Variants in VPS35L observed in about 807,000 individuals in gnomAD.
The protein encoded by VPS35L is VPS35 endosomal protein-sorting factor-like.
VPS35L carries 83 observed loss-of-function variants against 133.0 expected under a neutral mutation model. That is an observed-to-expected ratio of 0.62 (90% CI 0.52 to 0.75). The LOEUF (loss-of-function observed/expected upper bound fraction) is 0.75, where lower values mean the gene tolerates loss of function less well. Among genes scored for constraint, VPS35L ranks in the 30% least tolerant of loss-of-function variants. The pLI, the probability that VPS35L is intolerant of heterozygous loss-of-function variation, is 0.00. For missense variants in VPS35L, 1,083 were observed against 1,206.8 expected, an observed-to-expected ratio of 0.90 and a Z score of 1.52; for synonymous variants, 423 against 449.9, an observed-to-expected ratio of 0.94 and a Z score of 0.76.
At chr16:19,661,019 T>C (rs1180785887) in intron 26 of VPS35L, among the ~76,000 whole-genome samples, 1 of 151,790 alleles carries the variant, frequency 6.6e-6, no homozygotes, top group Non-Finnish European at 1.5e-5. Context: ...GTATGCTCTC[T>C]GCCTCTCTAT....
intron 7 of VPS35L, among the ~76,000 whole-genome samples, chr16:19,583,688 C>T (rs1434360188): frequency 6.6e-6 from 1 of 151,280 alleles, no homozygotes; most frequent in Non-Finnish European, 1.5e-5. Context: ...CACTACACCA[C>T]TCCAGCCTGG....
intron 27 of VPS35L, among the ~76,000 whole-genome samples, chr16:19,670,976 A>G (rs1974854282): frequency 6.6e-6 from 1 of 152,228 alleles, no homozygotes; most frequent in Admixed American, 6.5e-5. Context: ...GATGTGAAAG[A>G]TATTTCAGAA....
intron 8 of VPS35L, among the ~76,000 whole-genome samples, chr16:19,593,546 C>T (rs1972108491): frequency 6.6e-6 from 1 of 152,202 alleles, no homozygotes; most frequent in South Asian, 2.1e-4. Context: ...TCTTTATTGG[C>T]TTATGCTGAA....
intron 29 of VPS35L, 41 bp downstream of exon 29, chr16:19,691,512 A>C (rs772579019): frequency 4.0e-6 from 6 of 1,512,704 alleles, no homozygotes; most frequent in Non-Finnish European, 5.5e-6. Context: ...CCTTGCTCTG[A>C]AAGCACAAGT....
intron 14 of VPS35L, 121 bp downstream of exon 14, chr16:19,616,929 C>T (rs1364574947): frequency 7.0e-7 from 1 of 1,432,394 alleles, no homozygotes; most frequent in Non-Finnish European, 9.7e-7. Context: ...TAGTGCTAGC[C>T]AGCCTTTATA....
chr16:19,579,807 A>G (rs989515679), intron 6 of VPS35L: 3 of 152,162 alleles, frequency 2.0e-5, no homozygotes. Context: ...GCCCACAGGA[A>G]TCTTTTAATT....
chr16:19,621,676 CT>C (rs1386805487), intron 14 of VPS35L, among the ~76,000 whole-genome samples: 1 of 152,244 alleles, frequency 6.6e-6, no homozygotes, highest in East Asian at 1.9e-4. Flanking sequence ...AATTCTGTCA[CT>C]TCTTAGAGGG....
intron 7 of VPS35L, among the ~76,000 whole-genome samples, 184 bp from the exon 8 acceptor site, chr16:19,591,606 C>T (rs1037208588): frequency 3.3e-5 from 5 of 151,874 alleles, no homozygotes; most frequent in South Asian, 2.1e-4. Context: ...AAGCAGAGTC[C>T]GGCTCTCTCT....
At chr16:19,651,732 G>C (rs1974132150) in intron 25 of VPS35L, among the ~76,000 whole-genome samples, 1 of 152,104 alleles carries the variant, frequency 6.6e-6, no homozygotes, top group African/African-American at 2.4e-5. Flanking sequence ...TAGGTGTTAC[G>C]TATTTACTTC....
At chr16:19,570,898 A>G (rs117739823) in intron 3 of VPS35L, among the ~76,000 whole-genome samples, 3,509 of 113,430 alleles carry the variant, frequency 0.031, 122 homozygotes, top group East Asian at 0.16. Context: ...TATTTTTGAG[A>G]TGAAGTCTCA....
chr16:19,591,052 C>G (rs1454266855), intron 7 of VPS35L, among the ~76,000 whole-genome samples: 1 of 152,142 alleles, frequency 6.6e-6, no homozygotes, highest in African/African-American at 2.4e-5. Context: ...CAATTCCCCG[C>G]AAAGCTGAAA....
rs536125082 is a variant in VPS35L at position 19,696,301 on chromosome 16, G to A, written c.2647-3201G>A. 2.0e-5 allele frequency among the ~76,000 whole-genome samples: 3 copies of A among 152,314 alleles called. No individual in the cohort carries two copies. The East Asian group carries it at 5.8e-4, about 29-fold the overall frequency. On this transcript the variant is annotated intron_variant, in intron 29 of 30. Coordinates refer to ENST00000417362, the MANE Select transcript of VPS35L (RefSeq NM_020314.7). Reference sequence around the variant, plus strand: ...ATCCAGGCCCATCACAGACCAGGAAGGGCCTGGTGGATTTCTCCCCACTGA... The same window carrying A: ...ATCCAGGCCCATCACAGACCAGGAAAGGCCTGGTGGATTTCTCCCCACTGA...
At chr16:19,592,591 T>A (rs889916464) in intron 8 of VPS35L, among the ~76,000 whole-genome samples, 12 of 152,168 alleles carry the variant, frequency 7.9e-5, no homozygotes, top group South Asian at 2.1e-4. Context: ...AATCTGAGCA[T>A]CTTCCCCCAC....
chr16:19,693,683 C>G (rs368554436), intron 29 of VPS35L, among the ~76,000 whole-genome samples: 80 of 152,160 alleles, frequency 5.3e-4, no homozygotes, highest in African/African-American at 1.3e-3. Context: ...ACTTGGGAGG[C>G]TGAGGCAGAA....
rs139613322 is a variant in VPS35L, at chr16:19,635,010, C to T, written c.1635+1838C>T. Among the ~76,000 whole-genome samples the T allele has an allele frequency of 2.9e-3, 446 of 152,278 alleles. 5 individuals are homozygous for T. Among genetic ancestry groups the T allele is most frequent in the Middle Eastern group, 0.024 (7 of 294 alleles). ...TGAGAATGCACAAGGGAATGTCACACATGCGCAGATTGAGAAGCATTTTAT... is the reference window on the plus strand; with the variant it reads ...TGAGAATGCACAAGGGAATGTCACATATGCGCAGATTGAGAAGCATTTTAT... On this transcript the variant is annotated intron_variant, in intron 19 of 30. Transcript: ENST00000417362.
chr16:19,649,747 A>G (rs1974067652), intron 24 of VPS35L, among the ~76,000 whole-genome samples: 1 of 152,222 alleles, frequency 6.6e-6, no homozygotes, highest in Admixed American at 6.5e-5. Context: ...TGTCTATTCA[A>G]GGAGAATAAC....
intron 6 of VPS35L, 65 bp downstream of exon 6, chr16:19,579,193 T>A: frequency 7.0e-7 from 1 of 1,434,394 alleles, no homozygotes; most frequent in South Asian, 1.2e-5. Flanking sequence ...CCAAGTGAGA[T>A]CAACCTCGGT....
At chr16:19,589,276 C>A (rs1030336091) in intron 7 of VPS35L, among the ~76,000 whole-genome samples, 1 of 152,136 alleles carries the variant, frequency 6.6e-6, no homozygotes, top group East Asian at 1.9e-4. Context: ...CAGATTCTTG[C>A]TCTGTCTTCC....
chr16:19,684,390 A>G (rs1158629521), intron 28 of VPS35L, among the ~76,000 whole-genome samples: 1 of 152,204 alleles, frequency 6.6e-6, no homozygotes, highest in Non-Finnish European at 1.5e-5. Context: ...TGCAAGTTGC[A>G]GTGAACACAT....
Sources: allele counts gnomAD v4.1 joint callset (sites outside exome capture counted in the v4.1 genomes callset), GRCh38; gene constraint gnomAD v4.1.1; transcripts MANE v1.5; gene names NCBI Gene and HGNC (gene_info 2026-07-23, HGNC 2026-07-21).